The following EHMT1 variants were observed in gnomAD, a reference collection of about 807,000 sequenced individuals.
EHMT1 encodes histone-lysine N-methyltransferase EHMT1.
Under a neutral mutation model 147.2 loss-of-function variants are expected in EHMT1, and 15 were observed. The observed-to-expected ratio is 0.10, with a 90% CI of 0.07 to 0.16. The LOEUF (loss-of-function observed/expected upper bound fraction) is 0.16, where lower values mean the gene tolerates loss of function less well. Ranked by LOEUF, EHMT1 falls within the 10% of genes least tolerant of loss-of-function variation. The pLI is 1.00. For missense variants in EHMT1, 1,587 were observed against 1,772.4 expected (o/e 0.90, Z 1.88); for synonymous variants, 795 against 709.6 (o/e 1.12, Z -1.91).
chr9:137,756,551 G>T (rs1217623383), intron 8 of EHMT1, among the ~76,000 whole-genome samples: 2 of 152,210 alleles, frequency 1.3e-5, no homozygotes, highest in Non-Finnish European at 2.9e-5. Flanking sequence ...GTTTGAGGGT[G>T]GAGGACGTGT....
At chr9:137,695,134 C>A (rs1943292623) in intron 1 of EHMT1, among the ~76,000 whole-genome samples, 1 of 152,232 alleles carries the variant, frequency 6.6e-6, no homozygotes, top group African/African-American at 2.4e-5. Flanking sequence ...ACACCCTGGG[C>A]ACCTGGATTA....
At chr9:137,814,172 C>T (rs547404881) in intron 21 of EHMT1, 5 of 574,832 alleles carry the variant, frequency 8.7e-6, no homozygotes, top group African/African-American at 3.8e-5. Flanking sequence ...ACCCACCCCA[C>T]GTCACCCACT....
chr9:137,721,676 C>G (rs1032156114), intron 3 of EHMT1, among the ~76,000 whole-genome samples: 11 of 151,638 alleles, frequency 7.3e-5, no homozygotes, highest in Non-Finnish European at 5.9e-5. Context: ...CACGCTCATC[C>G]CCTTGCACAT....
Position 137,813,186 on chromosome 9 carries a change from C to T in EHMT1, c.3035+13C>T. The T allele has an allele frequency of 6.2e-7, 1 of 1,606,700 alleles. No homozygotes were observed. Among genetic ancestry groups the T allele is most frequent in the Non-Finnish European group, 8.5e-7 (1 of 1,179,832 alleles). Reference sequence around the variant, plus strand: ...GGATAGTGAGCAGGTGAGCCCAGCCCCAGGACGGCTTTGTGGCAAATCAGC... The same window carrying T: ...GGATAGTGAGCAGGTGAGCCCAGCCTCAGGACGGCTTTGTGGCAAATCAGC... On this transcript the variant is annotated intron_variant, in intron 20 of 26. Coordinates refer to ENST00000460843, the MANE Select transcript of EHMT1 (RefSeq NM_024757.5). This position sits in a 1 kb window ranked among gnomAD's most constrained non-coding sequence, Gnocchi z 4.9.
rs377575553 is a variant in EHMT1, at chr9:137,716,991, G to C, written c.451G>C (p.Ala151Pro). 8.1e-6 allele frequency: 13 copies of C among 1,608,704 alleles called. No individual in the cohort carries two copies. Among genetic ancestry groups the C allele is most frequent in the Non-Finnish European group, 1.1e-5 (13 of 1,176,656 alleles). Residue 151 changes from alanine (A) to proline (P), a missense_variant, in exon 3 of 27, where the codon GCT becomes CCT. Coordinates refer to ENST00000460843, the MANE Select transcript of EHMT1 (RefSeq NM_024757.5). ...STLASSLPGH[A>P]AKTLPGGAGK... ...TCTGGCCTCTTCGCTGCCTGGCCAT[G>C]CTGCAAAAACCCTTCCTGGAGGGGC... is the stretch of plus-strand genomic sequence containing the variant.
intron 16 of EHMT1, among the ~76,000 whole-genome samples, chr9:137,794,332 T>C (rs949099485): frequency 6.6e-6 from 1 of 152,228 alleles, no homozygotes; most frequent in East Asian, 1.9e-4. Flanking sequence ...GATTTCTGGC[T>C]GTAGAATTGC....
At chr9:137,771,387 G>C (rs1950573601) in intron 10 of EHMT1, among the ~76,000 whole-genome samples, 1 of 151,930 alleles carries the variant, frequency 6.6e-6, no homozygotes, top group African/African-American at 2.4e-5. Flanking sequence ...TTTTAATAGA[G>C]ACGGAGTTTC....
At chr9:137,623,573 C>A (rs891889521) in intron 1 of EHMT1, among the ~76,000 whole-genome samples, 1 of 151,970 alleles carries the variant, frequency 6.6e-6, no homozygotes, top group South Asian at 2.1e-4. Flanking sequence ...TGCTACCACG[C>A]CTGTGCCTGG....
chr9:137,653,996 C>T (rs572092150), intron 1 of EHMT1, among the ~76,000 whole-genome samples: 36 of 152,312 alleles, frequency 2.4e-4, no homozygotes, highest in South Asian at 1.2e-3. Flanking sequence ...TCCATCTTCA[C>T]GCTTTCGCAT....
In EHMT1 at chr9:137,836,125, A is replaced by G. The variant is rs911143410; in HGVS notation, c.*1172A>G. 4 of 152,380 alleles carry G rather than the reference A, an allele frequency of 2.6e-5. No homozygotes were observed. Among genetic ancestry groups the G allele is most frequent in the Non-Finnish European group, 5.9e-5 (4 of 68,022 alleles). The allele number at this position is 152,380 out of a possible 1,614,324, so 9.4% of individuals were successfully genotyped here. A position where few individuals can be genotyped will look rare whatever the true frequency, so the allele number is the denominator to read the frequency against. On this transcript the variant is annotated 3_prime_UTR_variant, in exon 27 of 27. Coordinates refer to ENST00000460843, the MANE Select transcript of EHMT1 (RefSeq NM_024757.5). ...ATCAATAAAAAAAAAGAAGTACTTT[A>G]AATGGGGTTTTTATTATGACACCAT...
intron 1 of EHMT1, among the ~76,000 whole-genome samples, chr9:137,644,958 C>T (rs1393464184): frequency 6.6e-6 from 1 of 151,896 alleles, no homozygotes; most frequent in Non-Finnish European, 1.5e-5. Flanking sequence ...CTGCAGTCTC[C>T]ACCTCCCAGG....
At chr9:137,798,951 G>T (rs1040112625) in intron 17 of EHMT1, 37 bp downstream of exon 17, 2 of 1,532,640 alleles carry the variant, frequency 1.3e-6, no homozygotes, top group Non-Finnish European at 1.8e-6. Context: ...TACACTGTGT[G>T]GACTGGCTAC....
intron 15 of EHMT1, chr9:137,788,930 G>C (rs542796564): frequency 1.3e-5 from 2 of 152,698 alleles, no homozygotes; most frequent in Admixed American, 6.5e-5. Context: ...CTGGATGGGG[G>C]GCGCGACCTG....
At chr9:137,802,904 G>GA in intron 18 of EHMT1, 1 of 1,232,642 alleles carries the variant, frequency 8.1e-7, no homozygotes, top group Non-Finnish European at 1.0e-6. Context: ...AGAAGGAAGA[G>GA]AAGAGGGAAG....
Position 137,775,202 on chromosome 9 carries a change from C to G in EHMT1, c.1741C>G (p.Arg581Gly). The stretch of plus-strand genomic sequence containing the variant: ...CGTGCTGTGTGAAGACCACCGGGGC[C>G]GCATGGTGAAGCACCAGTGCTGTCC... ...LLVLCEDHRG[R>G]MVKHQCCPGC... is the part of the protein sequence containing the mutation. The change falls in exon 11 of 27, where the codon CGC (arginine) becomes GGC (glycine). Residue 581 changes from arginine to glycine, a missense_variant. Arg to Gly is a moderately radical substitution (Grantham distance 125). Transcript: ENST00000460843. The surrounding 1 kb of genome is among the most constrained non-coding windows in gnomAD (Gnocchi z 6.1). The G allele has an allele frequency of 6.2e-7, 1 of 1,613,544 alleles. No individual in the cohort carries two copies. The highest frequency in any genetic ancestry group is 8.5e-7 in the Non-Finnish European group (1 of 1,180,022).
rs183409892 is a variant in EHMT1, at chr9:137,623,441, G to A, written c.21+4392G>A. Among the ~76,000 whole-genome samples, 253 of 151,518 alleles carry A rather than the reference G, an allele frequency of 1.7e-3. 3 individuals carry two copies. Among genetic ancestry groups the A allele is most frequent in the African/African-American group, 5.6e-3 (231 of 41,282 alleles). ...TACTCTTTTTTTTTTTTGAGATGGA[G>A]GTCCGCTCCGTCGCCCAGGCTGGAG... On this transcript the variant is annotated intron_variant, in intron 1 of 26. Coordinates refer to ENST00000460843, the MANE Select transcript of EHMT1 (RefSeq NM_024757.5).
chr9:137,827,278 C>T (rs190677566), intron 25 of EHMT1, among the ~76,000 whole-genome samples: 1 of 152,292 alleles, frequency 6.6e-6, no homozygotes, highest in African/African-American at 2.4e-5. Flanking sequence ...CTCTGGTCCC[C>T]ACCCACCCGA....
At chr9:137,808,141 A>T (rs1319776154) in intron 18 of EHMT1, among the ~76,000 whole-genome samples, 1 of 152,142 alleles carries the variant, frequency 6.6e-6, no homozygotes, top group Non-Finnish European at 1.5e-5. Context: ...CAGCCTGTAG[A>T]TGGAGAGTGT....
chr9:137,806,153 G>C (rs538613827), intron 18 of EHMT1, among the ~76,000 whole-genome samples: 3 of 152,004 alleles, frequency 2.0e-5, no homozygotes, highest in South Asian at 4.2e-4. Context: ...AGGGATGGGG[G>C]TTTCACCATG....
Sources: allele counts gnomAD v4.1 joint callset (sites outside exome capture counted in the v4.1 genomes callset), GRCh38; gene constraint gnomAD v4.1.1; non-coding constraint Gnocchi (gnomAD v3.1); transcripts MANE v1.5; gene names NCBI Gene and HGNC (gene_info 2026-07-23, HGNC 2026-07-21).